The following FGD3 variants were observed in gnomAD, a reference collection of about 807,000 sequenced individuals.
FGD3 encodes FYVE, RhoGEF and PH domain containing 3, also known as FYVE, RhoGEF and PH domain-containing protein 3.
FGD3 carries 45 observed loss-of-function variants against 71.8 expected under a neutral mutation model. The observed-to-expected ratio is 0.63, with a 90% CI of 0.49 to 0.80. The LOEUF (loss-of-function observed/expected upper bound fraction) is 0.80, where lower values mean the gene tolerates loss of function less well. Ranked by LOEUF, FGD3 falls within the 30% of genes least tolerant of loss-of-function variation. The pLI, the probability that FGD3 is intolerant of heterozygous loss-of-function variation, is 0.00. For missense variants in FGD3, 844 were observed against 951.5 expected, an observed-to-expected ratio of 0.89 and a Z score of 1.49; for synonymous variants, 378 against 392.8, an observed-to-expected ratio of 0.96 and a Z score of 0.44.
At chr9:93,033,388 G>A (rs969332517) in intron 16 of FGD3, 9 of 163,214 alleles carry the variant, frequency 5.5e-5, no homozygotes, top group Non-Finnish European at 9.9e-5. Flanking sequence ...CCTCCGCCTC[G>A]CTGTCTTTCT....
chr9:92,970,049 G>A (rs998101511), intron 1 of FGD3, among the ~76,000 whole-genome samples: 1 of 152,178 alleles, frequency 6.6e-6, no homozygotes, highest in Non-Finnish European at 1.5e-5. Context: ...GCTTCTTAAA[G>A]GGAAAGCTGA....
chr9:93,031,327 G>T (rs1395574502), intron 15 of FGD3, among the ~76,000 whole-genome samples: 1 of 152,150 alleles, frequency 6.6e-6, no homozygotes, highest in African/African-American at 2.4e-5. Flanking sequence ...CTCAGCTCCA[G>T]GCTTCAGGCT....
intron 14 of FGD3, among the ~76,000 whole-genome samples, chr9:93,028,210 ACACACACG>A (rs1411928947): frequency 4.2e-5 from 5 of 118,636 alleles, no homozygotes; most frequent in African/African-American, 1.9e-4. Context: ...ACACACACAC[ACACACACG>A]CACACACACA....
In FGD3 at chr9:92,969,034, A is replaced by G. The variant is rs1221282500; in HGVS notation, c.-217-6204A>G. ...AAGGCACCAAAGTTAAGCCAGTGAG[A>G]AGCCATATGGGGACCAGCGGATATA... On this transcript the variant is annotated intron_variant, in intron 1 of 17. Coordinates refer to ENST00000375482, the MANE Select transcript of FGD3 (RefSeq NM_001083536.2). The surrounding 1 kb of genome is among the most constrained non-coding windows in gnomAD (Gnocchi z 4.5). Among the ~76,000 whole-genome samples the G allele has an allele frequency of 6.6e-6, 1 of 152,204 alleles. No individual in the cohort carries two copies. The highest frequency in any genetic ancestry group is 6.5e-5 in the Admixed American group (1 of 15,286).
chr9:92,981,038 T>C (rs1859973426), intron 3 of FGD3, among the ~76,000 whole-genome samples: 1 of 151,058 alleles, frequency 6.6e-6, no homozygotes, highest in Non-Finnish European at 1.5e-5. Flanking sequence ...ATTTTCATTG[T>C]GTTATTGAAT....
chr9:93,032,671 G>C (rs1343403724), intron 15 of FGD3, 98 bp from the exon 16 acceptor site: 1 of 545,418 alleles, frequency 1.8e-6, no homozygotes, highest in Non-Finnish European at 2.8e-6. Context: ...GTCTCCTCCC[G>C]CCCACTCCAC....
At chr9:93,034,458 C>T (rs1325672586) in intron 16 of FGD3, 83 bp from the exon 17 acceptor site, 16 of 1,488,618 alleles carry the variant, frequency 1.1e-5, no homozygotes, top group Admixed American at 8.9e-5. Flanking sequence ...CAAGCAGTGG[C>T]CCTGGCCCTA....
chr9:93,010,147 T>C, intron 6 of FGD3, 99 bp from the exon 7 acceptor site: 1 of 1,452,578 alleles, frequency 6.9e-7, no homozygotes, highest in South Asian at 1.3e-5. Context: ...GGGCAGCCAG[T>C]TCCGGGCAGC....
chr9:93,005,944 C>G, intron 5 of FGD3, 80 bp from the exon 6 acceptor site: 1 of 1,485,638 alleles, frequency 6.7e-7, no homozygotes, highest in Non-Finnish European at 9.0e-7. Context: ...CCCACACCCC[C>G]CTGGTGGAGT....
intron 14 of FGD3, among the ~76,000 whole-genome samples, chr9:93,022,892 C>T (rs988726270): frequency 1.2e-4 from 18 of 152,158 alleles, no homozygotes; most frequent in African/African-American, 4.3e-4. Context: ...TCTCGTGTGC[C>T]TTATGGCAGC....
intron 5 of FGD3, among the ~76,000 whole-genome samples, chr9:93,005,695 T>G (rs369014418): frequency 2.0e-5 from 3 of 152,290 alleles, no homozygotes; most frequent in African/African-American, 7.2e-5. Flanking sequence ...AGCATAATGG[T>G]ATTTTGTTGG....
chr9:93,027,876 C>T (rs973880956), intron 14 of FGD3, among the ~76,000 whole-genome samples: 3 of 151,922 alleles, frequency 2.0e-5, no homozygotes, highest in African/African-American at 4.8e-5. Context: ...CGTGCCACCA[C>T]ATCAGCTAAT....
At chr9:92,950,970 C>T (rs1473096526) in intron 1 of FGD3, among the ~76,000 whole-genome samples, 1 of 152,090 alleles carries the variant, frequency 6.6e-6, no homozygotes, top group African/African-American at 2.4e-5. Context: ...CCCTGGCCTG[C>T]TTGGGCCCTG....
At chr9:93,007,154 G>A (rs974056812) in intron 6 of FGD3, among the ~76,000 whole-genome samples, 3 of 151,324 alleles carry the variant, frequency 2.0e-5, no homozygotes, top group Admixed American at 1.3e-4. Context: ...GCAGTGGCGC[G>A]ATCTCAGTTC....
Position 93,026,455 on chromosome 9 carries a change from C to A in FGD3, c.1558-3419C>A, listed in dbSNP as rs533881966. Among the ~76,000 whole-genome samples, 5 of 152,346 alleles carry A rather than the reference C, an allele frequency of 3.3e-5. No homozygotes were observed. In the East Asian group the frequency reaches 9.6e-4, roughly 29 times the overall value. On this transcript the variant is annotated intron_variant, in intron 14 of 17. Coordinates refer to ENST00000375482, the MANE Select transcript of FGD3 (RefSeq NM_001083536.2). ...CCTCTCAGCTACTGCGTCATGCCTA[C>A]AAATTCAGCCACACCTTGATGATGG...
At chr9:92,978,232 A>T (rs1859842102) in intron 3 of FGD3, among the ~76,000 whole-genome samples, 1 of 150,800 alleles carries the variant, frequency 6.6e-6, no homozygotes, top group Non-Finnish European at 1.5e-5. Flanking sequence ...CGGTGAGCCG[A>T]TATCACACCA....
intron 8 of FGD3, 26 bp downstream of exon 8, chr9:93,011,298 C>T (rs747797513): frequency 1.5e-5 from 25 of 1,613,760 alleles, no homozygotes; most frequent in East Asian, 2.2e-5. Flanking sequence ...CAGTGGCGAC[C>T]GGCAGGGTGG....
intron 1 of FGD3, among the ~76,000 whole-genome samples, chr9:92,970,932 C>T (rs1859506530): frequency 6.6e-6 from 1 of 152,258 alleles, no homozygotes; most frequent in Non-Finnish European, 1.5e-5. Flanking sequence ...TAGCTCATCC[C>T]TCTCCTGCCC....
In FGD3 at chr9:92,976,729, T is replaced by G; in HGVS notation, c.453+20T>G. 1 of 1,543,118 alleles carries G rather than the reference T, an allele frequency of 6.5e-7. No homozygotes were observed. On this transcript the variant is annotated intron_variant, in intron 3 of 17. Transcript: ENST00000375482. The stretch of plus-strand genomic sequence containing the variant: ...GCCCAGGTAGGCTTCCCCTTCTCTG[T>G]CCCCGCTGCGGGCTGCAGGCCTTTC...
Sources: gnomAD v4.1 joint callset for allele counts (sites outside exome capture counted in the v4.1 genomes callset) on GRCh38, gnomAD v4.1.1 for gene constraint, Gnocchi (gnomAD v3.1) non-coding constraint, MANE v1.5 for transcripts, NCBI Gene and HGNC (gene_info 2026-07-23, HGNC 2026-07-21) for gene names.